RAD51B: variants seen among roughly 807,000 people sequenced by gnomAD.
The protein encoded by RAD51B is RAD51 paralog B.
A neutral mutation model predicts 42.2 loss-of-function variants in RAD51B; 38 were observed. The ratio of observed to expected loss-of-function variants is 0.90; its 90% CI spans 0.70 to 1.18. The LOEUF is 1.18. RAD51B is among the 50% of genes most tolerant of loss of function. The probability of loss-of-function intolerance (pLI) is 0.00; values close to 1 mark genes in which losing one functional copy is unlikely to be tolerated. For synonymous variants in RAD51B, 154 were observed against 145.2 expected (o/e 1.06, Z -0.43); for missense variants, 373 against 400.7 (o/e 0.93, Z 0.59).
At chr14:68,676,824 C>T (rs543089275) in intron 11 of RAD51B, among the ~76,000 whole-genome samples, 20 of 152,362 alleles carry the variant, frequency 1.3e-4, no homozygotes, top group Non-Finnish European at 2.2e-4. Context: ...GGATGACGGG[C>T]GTCCCCGCCC....
intron 7 of RAD51B, among the ~76,000 whole-genome samples, chr14:68,101,497 A>G (rs1034193283): frequency 2.6e-5 from 4 of 152,242 alleles, no homozygotes; most frequent in African/African-American, 9.6e-5. Flanking sequence ...GAAATTGGCT[A>G]AAATAAAGGG....
At chr14:68,010,113 A>T (rs1442275859) in intron 7 of RAD51B, among the ~76,000 whole-genome samples, 1 of 151,872 alleles carries the variant, frequency 6.6e-6, no homozygotes, top group Admixed American at 6.6e-5. Flanking sequence ...CAAATATGCT[A>T]TTATCATTTC....
At chr14:68,280,599 T>C (rs1457612501) in intron 7 of RAD51B, among the ~76,000 whole-genome samples, 4 of 152,214 alleles carry the variant, frequency 2.6e-5, no homozygotes, top group African/African-American at 7.2e-5. Context: ...TAGGAAATGC[T>C]TAGTGAACGT....
chr14:68,414,758 T>C (rs1221147126), intron 9 of RAD51B, among the ~76,000 whole-genome samples: 2 of 150,538 alleles, frequency 1.3e-5, no homozygotes, highest in Non-Finnish European at 3.0e-5. Context: ...CAGTGGCTCA[T>C]GCCTGTAATC....
intron 9 of RAD51B, among the ~76,000 whole-genome samples, chr14:68,458,604 G>A (rs2085763399): frequency 1.3e-5 from 2 of 151,400 alleles, no homozygotes; most frequent in African/African-American, 4.8e-5. Flanking sequence ...ATTCTATGAG[G>A]AAATAGGATC....
At chr14:68,212,911 G>C (rs796530473) in intron 7 of RAD51B, among the ~76,000 whole-genome samples, 4 of 152,260 alleles carry the variant, frequency 2.6e-5, no homozygotes, top group African/African-American at 9.6e-5. Flanking sequence ...GGAGGAGTTT[G>C]GCTAAGATTT....
chr14:68,227,599 G>A (rs925065006), intron 7 of RAD51B, among the ~76,000 whole-genome samples: 2 of 152,092 alleles, frequency 1.3e-5, no homozygotes, highest in Non-Finnish European at 2.9e-5. Context: ...CGATAATACT[G>A]TCCTCCTCAG....
At chr14:68,263,682 TC>T (rs952334976) in intron 7 of RAD51B, among the ~76,000 whole-genome samples, 5 of 152,244 alleles carry the variant, frequency 3.3e-5, no homozygotes, top group Non-Finnish European at 7.3e-5. Flanking sequence ...TGTCAGACTT[TC>T]AATTCGGAAA....
chr14:68,509,568 T>C (rs886254142), intron 10 of RAD51B, among the ~76,000 whole-genome samples: 3 of 152,238 alleles, frequency 2.0e-5, no homozygotes, highest in Non-Finnish European at 4.4e-5. Context: ...GAATGATGTT[T>C]GGAAGGAAGG....
At chr14:67,858,119 C>A (rs1368456920) in intron 4 of RAD51B, 1 of 152,276 alleles carries the variant, frequency 6.6e-6, no homozygotes, top group Non-Finnish European at 1.5e-5. Context: ...TTAGTTCTGC[C>A]CTCTGCGGAC....
intron 8 of RAD51B, among the ~76,000 whole-genome samples, chr14:68,314,326 G>T (rs1019840796): frequency 6.6e-6 from 1 of 151,896 alleles, no homozygotes; most frequent in Non-Finnish European, 1.5e-5. Flanking sequence ...CTTCCTGCCC[G>T]AATGTCTCTC....
chr14:68,646,736 G>A (rs746624958), intron 10 of RAD51B, among the ~76,000 whole-genome samples: 5 of 152,170 alleles, frequency 3.3e-5, no homozygotes, highest in Non-Finnish European at 5.9e-5. Flanking sequence ...ACTATATGGA[G>A]TGTCTTTGGA....
chr14:68,512,216 G>A (rs998805220), intron 10 of RAD51B, among the ~76,000 whole-genome samples: 20 of 152,248 alleles, frequency 1.3e-4, no homozygotes, highest in African/African-American at 4.3e-4. Context: ...CCACCTGGCA[G>A]TGTGGCCCAA....
At chr14:67,868,622 C>T (rs1240731332) in intron 5 of RAD51B, among the ~76,000 whole-genome samples, 2 of 152,246 alleles carry the variant, frequency 1.3e-5, no homozygotes, top group Non-Finnish European at 2.9e-5. Flanking sequence ...TAGGCTCCAC[C>T]TCTGGGGGCA....
At chr14:67,865,241 C>A in intron 5 of RAD51B, 102 bp downstream of exon 5, 1 of 879,930 alleles carries the variant, frequency 1.1e-6, no homozygotes, top group Non-Finnish European at 1.5e-6. Flanking sequence ...TCCCCCTTGC[C>A]TTTTTTTTTT....
At position 68,197,978 on chromosome 14, in the gene RAD51B, T is replaced by C. The variant is rs188563141; in HGVS notation, c.757-93906T>C. ...GGTGTCTTTATTGAGCAAGTTTTAATTAAAATGGTTAGTTCTTTTTATAGC... is the reference window on the plus strand; with the variant it reads ...GGTGTCTTTATTGAGCAAGTTTTAACTAAAATGGTTAGTTCTTTTTATAGC... On this transcript the variant is annotated intron_variant, in intron 7 of 10. Coordinates refer to ENST00000471583, the MANE Select transcript of RAD51B (RefSeq NM_133510.4). Among the ~76,000 whole-genome samples the C allele has an allele frequency of 1.8e-3, 269 of 152,310 alleles. 3 individuals carry two copies. Among genetic ancestry groups the C allele is most frequent in the Admixed American group, 3.6e-3 (55 of 15,292 alleles).
At chr14:67,948,058 GA>G (rs139380010) in intron 7 of RAD51B, among the ~76,000 whole-genome samples, 6 of 152,078 alleles carry the variant, frequency 3.9e-5, no homozygotes, top group Non-Finnish European at 7.4e-5. Context: ...ATTTGTTAAG[GA>G]AAAAATCTGT....
chr14:68,597,070 G>A (rs1429311642), downstream of RAD51B, among the ~76,000 whole-genome samples: 1 of 152,208 alleles, frequency 6.6e-6, no homozygotes, highest in Non-Finnish European at 1.5e-5. Context: ...GGAGACCAAG[G>A]TTTCCATTTT....
chr14:67,912,019 C>G (rs1358186771), intron 7 of RAD51B, among the ~76,000 whole-genome samples: 1 of 152,214 alleles, frequency 6.6e-6, no homozygotes. Flanking sequence ...CACCAGCAAT[C>G]TAGGAATTTT....
Sources: allele counts gnomAD v4.1 joint callset (sites outside exome capture counted in the v4.1 genomes callset), GRCh38; gene constraint gnomAD v4.1.1; transcripts MANE v1.5; gene names NCBI Gene and HGNC (gene_info 2026-07-23, HGNC 2026-07-21).